SLC6A11: variants seen among roughly 807,000 people sequenced by gnomAD.
The protein encoded by SLC6A11 is solute carrier family 6 member 11.
Under a neutral mutation model 74.8 loss-of-function variants are expected in SLC6A11, and 25 were observed. That is an observed-to-expected ratio of 0.33 (90% CI 0.24 to 0.47). SLC6A11 has a LOEUF of 0.47. SLC6A11 is among the 20% of genes least tolerant of loss of function. The pLI is 1.00. For missense variants in SLC6A11, 574 were observed against 837.0 expected (o/e 0.69, Z 3.88); for synonymous variants, 330 against 330.2 (o/e 1.00, Z 0.01).
intron 1 of SLC6A11, among the ~76,000 whole-genome samples, chr3:10,818,906 A>G (rs1305438357): frequency 2.0e-5 from 3 of 152,232 alleles, no homozygotes. Flanking sequence ...AACTCCTTGC[A>G]AGTTGACACC....
At chr3:10,818,984 C>A (rs1232665360) in intron 1 of SLC6A11, among the ~76,000 whole-genome samples, 2 of 152,144 alleles carry the variant, frequency 1.3e-5, no homozygotes, top group Non-Finnish European at 2.9e-5. Context: ...GTATAATTCC[C>A]TGAGAATGCT....
intron 8 of SLC6A11, among the ~76,000 whole-genome samples, chr3:10,925,487 T>A (rs994545563): frequency 1.3e-5 from 2 of 152,190 alleles, no homozygotes; most frequent in African/African-American, 4.8e-5. Flanking sequence ...CCCAGCCTTC[T>A]ATGTGCAGCA....
chr3:10,836,642 A>G (rs1694370671), intron 4 of SLC6A11, among the ~76,000 whole-genome samples: 1 of 152,246 alleles, frequency 6.6e-6, no homozygotes, highest in Non-Finnish European at 1.5e-5. Flanking sequence ...ATAAAGCTGT[A>G]CAAATGTATT....
chr3:10,842,231 A>G (rs1014329481), intron 4 of SLC6A11, among the ~76,000 whole-genome samples: 1 of 152,216 alleles, frequency 6.6e-6, no homozygotes, highest in Non-Finnish European at 1.5e-5. Context: ...TCCAAAACAC[A>G]AGTTTAAAAA....
intron 5 of SLC6A11, among the ~76,000 whole-genome samples, chr3:10,861,305 C>T (rs1004557510): frequency 6.6e-6 from 1 of 152,124 alleles, no homozygotes; most frequent in African/African-American, 2.4e-5. Flanking sequence ...TGCTTGAGCC[C>T]AAGAGTTCAA....
At chr3:10,871,584 A>G (rs1294032482) in intron 5 of SLC6A11, among the ~76,000 whole-genome samples, 2 of 152,208 alleles carry the variant, frequency 1.3e-5, no homozygotes, top group Non-Finnish European at 2.9e-5. Context: ...TCAAGAATGT[A>G]TATGAAATGC....
At chr3:10,851,415 AC>A (rs1232954994) in intron 5 of SLC6A11, among the ~76,000 whole-genome samples, 1 of 148,888 alleles carries the variant, frequency 6.7e-6, no homozygotes, top group Non-Finnish European at 1.5e-5. Flanking sequence ...AAAAAAAAAA[AC>A]CACACACACA....
Position 10,935,190 on chromosome 3 carries a change from A to G in SLC6A11, c.1737A>G (p.Thr579=), listed in dbSNP as rs2245532. 0.39 allele frequency: 632,160 copies of G among 1,613,456 alleles called. 128,935 individuals carry two copies. Among genetic ancestry groups the G allele is most frequent in the African/African-American group, 0.51 (38,405 of 74,988 alleles). The change falls in exon 13 of 14, where the codon ACA becomes ACG. Residue 579 remains threonine (T), a synonymous_variant. Coordinates refer to ENST00000254488, the MANE Select transcript of SLC6A11 (RefSeq NM_014229.3). ...ICITVWKTEG[T]LPEKLQKLTT... ...TCACAGTGTGGAAGACGGAGGGGAC[A>G]CTGCCCGAGGTGAGACCGCCCCAGG...
In SLC6A11 at chr3:10,816,731, G is replaced by T. The variant is rs562168685; in HGVS notation, c.256+210G>T. On this transcript the variant is annotated intron_variant, in intron 1 of 13. Transcript: ENST00000254488. The surrounding 1 kb of genome is among the most constrained non-coding windows in gnomAD (Gnocchi z 4.2). ...CGCACGTGCCAATTCGCACCTGAGG[G>T]TTCCACCTGCCAGCGCGGGGACTTG... 6.6e-6 allele frequency among the ~76,000 whole-genome samples: 1 copy of T among 152,338 alleles called. No individual in the cohort carries two copies. Among genetic ancestry groups the T allele is most frequent in the African/African-American group, 2.4e-5 (1 of 41,594 alleles).
chr3:10,839,050 T>G (rs558490051), intron 4 of SLC6A11, among the ~76,000 whole-genome samples: 3 of 152,102 alleles, frequency 2.0e-5, no homozygotes, highest in African/African-American at 7.2e-5. Flanking sequence ...CTGGATGGCC[T>G]AACACCTCCA....
chr3:10,878,176 A>C (rs1694933075), intron 6 of SLC6A11, among the ~76,000 whole-genome samples: 1 of 152,162 alleles, frequency 6.6e-6, no homozygotes, highest in South Asian at 2.1e-4. Flanking sequence ...AATAAGATCC[A>C]AATGGTGGGG....
At chr3:10,864,138 A>C (rs1459092198) in intron 5 of SLC6A11, among the ~76,000 whole-genome samples, 1 of 151,942 alleles carries the variant, frequency 6.6e-6, no homozygotes, top group African/African-American at 2.4e-5. Flanking sequence ...TCTGTGTCCA[A>C]CTAGGATGTC....
chr3:10,878,773 C>G (rs986769256), intron 6 of SLC6A11, among the ~76,000 whole-genome samples: 1 of 152,026 alleles, frequency 6.6e-6, no homozygotes, highest in Non-Finnish European at 1.5e-5. Context: ...TTCTGATTGC[C>G]CACCATGCAC....
Position 10,934,984 on chromosome 3 carries a change from G to A in SLC6A11, c.1576-45G>A, listed in dbSNP as rs1342166782. Reference sequence around the variant, plus strand: ...CCTCAGACCCCTCATGGCCTAGCAGGGCTGAGGGCCCATCCCCCAGGCACC... The same window carrying A: ...CCTCAGACCCCTCATGGCCTAGCAGAGCTGAGGGCCCATCCCCCAGGCACC... On this transcript the variant is annotated intron_variant, in intron 12 of 13. Transcript: ENST00000254488. 3.2e-6 allele frequency: 5 copies of A among 1,563,622 alleles called. No individual in the cohort carries two copies. In the Admixed American group the frequency reaches 8.5e-5, roughly 27 times the overall value.
chr3:10,911,983 GT>G (rs1469496674), intron 6 of SLC6A11, 106 bp from the exon 7 acceptor site: 1 of 782,632 alleles, frequency 1.3e-6, no homozygotes, highest in Non-Finnish European at 2.3e-6. Flanking sequence ...CCCTTATGGA[GT>G]TTTTCTGAAG....
At chr3:10,863,196 G>T (rs1694723559) in intron 5 of SLC6A11, among the ~76,000 whole-genome samples, 1 of 152,198 alleles carries the variant, frequency 6.6e-6, no homozygotes, top group Admixed American at 6.5e-5. Flanking sequence ...GAGAAAGCCA[G>T]GTCTGTGAAC....
intron 6 of SLC6A11, among the ~76,000 whole-genome samples, chr3:10,878,840 AGTAAGATATT>A (rs1267543613): frequency 3.3e-5 from 5 of 152,150 alleles, no homozygotes; most frequent in African/African-American, 1.2e-4. Context: ...ATATATTTAC[AGTAAGATATT>A]TATGTGTGTA....
Position 10,938,269 on chromosome 3 carries a change from C to T in SLC6A11, c.1766C>T (p.Thr589Ile). 6.2e-7 allele frequency: 1 copy of T among 1,606,450 alleles called. No homozygotes were observed. The highest frequency in any genetic ancestry group is 2.2e-5 in the East Asian group (1 of 44,744). The change falls in exon 14 of 14, where the codon ACC (threonine) becomes ATC (isoleucine). Residue 589 changes from threonine (T) to isoleucine (I), a missense_variant. Thr to Ile is a moderately conservative substitution (Grantham distance 89, BLOSUM62 -1). Transcript: ENST00000254488. ...ATCCAGAAACTCCAGAAGTTGACGA[C>T]CCCCAGCACAGATCTGAAAATGCGG... Reference protein sequence around the residue: ...TLPEKLQKLTTPSTDLKMRGK... With the variant: ...TLPEKLQKLTIPSTDLKMRGK...
chr3:10,918,261 G>C lies in SLC6A11; in HGVS notation c.996-68G>C. On this transcript the variant is annotated intron_variant, in intron 7 of 13. Coordinates refer to ENST00000254488, the MANE Select transcript of SLC6A11 (RefSeq NM_014229.3). The surrounding 1 kb of genome is among the most constrained non-coding windows in gnomAD (Gnocchi z 4.5). The stretch of plus-strand genomic sequence containing the variant: ...ACAGGACAGCCATGGTGCTCGGGTG[G>C]AGAACGTTTGAGCCGTGCACCGGTT... The C allele has an allele frequency of 1.4e-6, 2 of 1,469,264 alleles. No homozygotes were observed. The highest frequency in any genetic ancestry group is 1.8e-6 in the Non-Finnish European group (2 of 1,111,190). The allele number at this position is 1,469,264 out of a possible 1,614,324, so 91.0% of individuals were successfully genotyped here.
Sources: allele counts gnomAD v4.1 joint callset (sites outside exome capture counted in the v4.1 genomes callset), GRCh38; gene constraint gnomAD v4.1.1; non-coding constraint Gnocchi (gnomAD v3.1); transcripts MANE v1.5; gene names NCBI Gene and HGNC (gene_info 2026-07-23, HGNC 2026-07-21).